Variants in ZNF304 observed in about 807,000 individuals in gnomAD.
ZNF304 encodes the protein KRAB-containing zinc finger protein.
A neutral mutation model predicts 7.8 loss-of-function variants in ZNF304; 7 were observed. The ratio of observed to expected loss-of-function variants is 0.90; its 90% CI spans 0.51 to 1.69. The LOEUF (loss-of-function observed/expected upper bound fraction) is 1.69, where lower values mean the gene tolerates loss of function less well. Ranked by LOEUF, ZNF304 falls within the 40% of genes most tolerant of loss-of-function variation. The pLI is 0.00. For synonymous variants in ZNF304, 280 were observed against 272.4 expected (o/e 1.03, Z -0.27); for missense variants, 669 against 804.8 (o/e 0.83, Z 2.04).
Position 57,353,809 on chromosome 19 carries a change from C to T in ZNF304, c.118C>T (p.Arg40Cys), listed in dbSNP as rs1267720175. 8.1e-6 allele frequency: 13 copies of T among 1,612,568 alleles called. No individual in the cohort carries two copies. The African/African-American group carries it at 1.1e-4, about 13-fold the overall frequency. Reference sequence around the variant, plus strand: ...TGAGGAGGCACAGAGATTCCTGTACCGTGATGTGATGCTGGAGAACTTTGC... The same window carrying T: ...TGAGGAGGCACAGAGATTCCTGTACTGTGATGTGATGCTGGAGAACTTTGC... ...LLEEAQRFLY[R>C]DVMLENFALV... The change falls in exon 2 of 3, where the codon CGT (arginine) becomes TGT (cysteine). Residue 40 changes from arginine (R) to cysteine (C), a missense_variant. Physicochemically the swap from Arg to Cys is radical, Grantham distance 180. Coordinates refer to ENST00000282286, the MANE Select transcript of ZNF304 (RefSeq NM_020657.4).
intron 1 of ZNF304, chr19:57,352,786 T>G (rs2088291570): frequency 6.6e-6 from 1 of 152,208 alleles, no homozygotes; most frequent in South Asian, 2.1e-4. Context: ...TGATTGGATT[T>G]TTTGATGCGA....
Position 57,351,415 on chromosome 19 carries a change from T to C in ZNF304, c.-250T>C. On this transcript the variant is annotated 5_prime_UTR_variant, in exon 1 of 3. Transcript: ENST00000282286. This position sits in a 1 kb window ranked among gnomAD's most constrained non-coding sequence, Gnocchi z 4.1. ...ACCTTCCTTCGCGCTTTTGTTACAA[T>C]CCATGACCCCTGTCGTGGGACGGGC... is the stretch of plus-strand genomic sequence containing the variant. 1 of 575,442 alleles carries C rather than the reference T, an allele frequency of 1.7e-6. No homozygotes were observed. The highest frequency in any genetic ancestry group is 2.1e-5 in the South Asian group (1 of 48,382). The allele number at this position is 575,442 out of a possible 1,614,324, so 35.6% of individuals were successfully genotyped here.
Position 57,356,898 on chromosome 19 carries a change from C to T in ZNF304, c.1029C>T (p.Ala343=), listed in dbSNP as rs369870594. Residue 343 remains alanine (A), a synonymous_variant, in exon 3 of 3, where the codon GCC becomes GCT. Transcript: ENST00000282286. ...RSYDCSECGK[A]YSRSSHLVQH... The stretch of plus-strand genomic sequence containing the variant: ...ATGACTGCAGTGAATGTGGAAAAGC[C>T]TACAGCAGAAGCTCCCACCTTGTTC... 1.2e-6 allele frequency: 2 copies of T among 1,614,016 alleles called. No homozygotes were observed. Among genetic ancestry groups the T allele is most frequent in the African/African-American group, 2.7e-5 (2 of 74,894 alleles).
rs1243776572 is a variant in ZNF304 at position 57,355,309 on chromosome 19, GGGGGCAGAAAACCTT to G, written c.161-717_161-703del. 3.9e-6 allele frequency: 3 copies of G among 765,338 alleles called. No individual in the cohort carries two copies. The South Asian group carries it at 4.0e-5, about 10-fold the overall frequency. The allele number at this position is 765,338 out of a possible 1,614,324, so 47.4% of individuals were successfully genotyped here. A position where few individuals can be genotyped will look rare whatever the true frequency, so the allele number is the denominator to read the frequency against. ...AGTCCCATGCAGTTGCGCAGTTGGA[GGGGGCAGAAAACCTT>G]GGGTGCCTGACAGGGCAGACATCAC... On this transcript the variant is annotated intron_variant, in intron 2 of 2. Coordinates refer to ENST00000282286, the MANE Select transcript of ZNF304 (RefSeq NM_020657.4).
rs75753242 is a variant in ZNF304, at chr19:57,357,811, T to G, written c.1942T>G (p.Phe648Val). Residue 648 changes from phenylalanine (F) to valine (V), a missense_variant, in exon 3 of 3, where the codon TTT becomes GTT. Coordinates refer to ENST00000282286, the MANE Select transcript of ZNF304 (RefSeq NM_020657.4). ...AGAAAGAGCTCACGAGTGCAACAGT[T>G]TTGGTGGCCCTTTAGCTGCATCTCT... ...TGERAHECNS[F>V]GGPLAASLKL... 1 of 1,610,318 alleles carries G rather than the reference T, an allele frequency of 6.2e-7. No homozygotes were observed. Among genetic ancestry groups the G allele is most frequent in the Non-Finnish European group, 8.5e-7 (1 of 1,178,732 alleles).
intron 2 of ZNF304, 83 bp downstream of exon 2, chr19:57,353,934 C>T: frequency 1.7e-5 from 20 of 1,168,070 alleles, no homozygotes; most frequent in Non-Finnish European, 1.8e-5. Context: ...AATCAATTAT[C>T]TCTCCAGTTT....
At position 57,358,015 on chromosome 19, in the gene ZNF304, C is replaced by G. The variant is rs982812876; in HGVS notation, c.*166C>G. 4.9e-6 allele frequency: 4 copies of G among 824,572 alleles called. No individual in the cohort carries two copies. In the African/African-American group the frequency reaches 6.9e-5, roughly 14 times the overall value. The allele number at this position is 824,572 out of a possible 1,614,324, so 51.1% of individuals were successfully genotyped here. On this transcript the variant is annotated 3_prime_UTR_variant, in exon 3 of 3. Coordinates refer to ENST00000282286, the MANE Select transcript of ZNF304 (RefSeq NM_020657.4). Reference sequence around the variant, plus strand: ...ATATTCATTCCACCCTGGGGAGATTCCTGATAAGCACCACATATGTGGGAG... The same window carrying G: ...ATATTCATTCCACCCTGGGGAGATTGCTGATAAGCACCACATATGTGGGAG...
At position 57,357,781 on chromosome 19, in the gene ZNF304, A is replaced by G. The variant is rs1323248248; in HGVS notation, c.1912A>G (p.Thr638Ala). 1.9e-6 allele frequency: 3 copies of G among 1,614,084 alleles called. No individual in the cohort carries two copies. The highest frequency in any genetic ancestry group is 2.5e-6 in the Non-Finnish European group (3 of 1,179,990). The change falls in exon 3 of 3, where the codon ACT (threonine) becomes GCT (alanine). Residue 638 changes from threonine (T) to alanine (A), a missense_variant. Coordinates refer to ENST00000282286, the MANE Select transcript of ZNF304 (RefSeq NM_020657.4). ...TCTTGTTCGTCACCAGAAAGCTCAC[A>G]CTGGAGAAAGAGCTCACGAGTGCAA... ...SHLVRHQKAH[T>A]GERAHECNSF...
In ZNF304 at chr19:57,355,215, T is replaced by C. The variant is rs1016221657; in HGVS notation, c.161-815T>C. 8 of 757,926 alleles carry C rather than the reference T, an allele frequency of 1.1e-5. No individual in the cohort carries two copies. The Middle Eastern group carries it at 1.1e-3, about 103-fold the overall frequency. The allele number at this position is 757,926 out of a possible 1,614,324, so 47.0% of individuals were successfully genotyped here. ...GAGTATTTTTTCTAAACATTCTATTTTCTCTGTGGAGTGGGTCTACCTGCG... is the reference window on the plus strand; with the variant it reads ...GAGTATTTTTTCTAAACATTCTATTCTCTCTGTGGAGTGGGTCTACCTGCG... On this transcript the variant is annotated intron_variant, in intron 2 of 2. Coordinates refer to ENST00000282286, the MANE Select transcript of ZNF304 (RefSeq NM_020657.4).
chr19:57,354,171 G>A (rs935730419), intron 2 of ZNF304, among the ~76,000 whole-genome samples: 2 of 151,870 alleles, frequency 1.3e-5, no homozygotes, highest in Non-Finnish European at 2.9e-5. Context: ...CACCACGCCC[G>A]GCTATTTTAC....
At chr19:57,355,954 A>T in intron 2 of ZNF304, 76 bp from the exon 3 acceptor site, 1 of 1,500,228 alleles carries the variant, frequency 6.7e-7, no homozygotes, top group Non-Finnish European at 9.0e-7. Context: ...CACTGGTGTT[A>T]GACACACATT....
At chr19:57,352,923 A>T (rs2088293355) in intron 1 of ZNF304, among the ~76,000 whole-genome samples, 1 of 152,114 alleles carries the variant, frequency 6.6e-6, no homozygotes, top group African/African-American at 2.4e-5. Flanking sequence ...TTTAGTGGTT[A>T]TATCAGGAGT....
rs1392001230 is a variant in ZNF304 at position 57,357,110 on chromosome 19, C to T, written c.1241C>T (p.Thr414Ile). The T allele has an allele frequency of 6.2e-7, 1 of 1,612,942 alleles. No individual in the cohort carries two copies. The highest frequency in any genetic ancestry group is 8.5e-7 in the Non-Finnish European group (1 of 1,179,388). ...CTTATTGAGCACTGGAGAATTCATACCGGGGCAAGGCCCTATGAATGCATA... is the reference window on the plus strand; with the variant it reads ...CTTATTGAGCACTGGAGAATTCATATCGGGGCAAGGCCCTATGAATGCATA... ...SHLIEHWRIH[T>I]GARPYECIEC... Residue 414 changes from threonine to isoleucine, a missense_variant, in exon 3 of 3, where the codon ACC becomes ATC. Transcript: ENST00000282286.
Position 57,351,496 on chromosome 19 carries a change from G to GTCCTC in ZNF304, c.-167_-163dup. 1.3e-6 allele frequency: 1 copy of GTCCTC among 769,498 alleles called. No homozygotes were observed. The highest frequency in any genetic ancestry group is 2.3e-5 in the Admixed American group (1 of 42,774). The allele number at this position is 769,498 out of a possible 1,614,324, so 47.7% of individuals were successfully genotyped here. A position where few individuals can be genotyped will look rare whatever the true frequency, so the allele number is the denominator to read the frequency against. ...GGCTCTTACCGAGGCCTCCACACAC[G>GTCCTC]TCCTCTTGTCCTTGTCTCCCCCAGA... On this transcript the variant is annotated 5_prime_UTR_variant, in exon 1 of 3. It introduces an in-frame stop codon into an upstream open reading frame of the 5' UTR. Coordinates refer to ENST00000282286, the MANE Select transcript of ZNF304 (RefSeq NM_020657.4). The surrounding 1 kb of genome is among the most constrained non-coding windows in gnomAD (Gnocchi z 4.1).
Position 57,357,878 on chromosome 19 carries a change from C to T in ZNF304, c.*29C>T. 1.3e-6 allele frequency: 2 copies of T among 1,557,302 alleles called. No individual in the cohort carries two copies. The highest frequency in any genetic ancestry group is 1.7e-6 in the Non-Finnish European group (2 of 1,156,476). On this transcript the variant is annotated 3_prime_UTR_variant, in exon 3 of 3. Coordinates refer to ENST00000282286, the MANE Select transcript of ZNF304 (RefSeq NM_020657.4). ...CAGAAAATTCACACAAGAGAAAGGCCTTATGAATGCAGAAAATATGTCATC... is the reference window on the plus strand; with the variant it reads ...CAGAAAATTCACACAAGAGAAAGGCTTTATGAATGCAGAAAATATGTCATC...
chr19:57,355,915 C>G, intron 2 of ZNF304, 115 bp from the exon 3 acceptor site: 1 of 1,224,064 alleles, frequency 8.2e-7, no homozygotes, highest in Non-Finnish European at 1.1e-6. Flanking sequence ...TCCTGGCCCT[C>G]TTGTCCTGCC....
chr19:57,357,880 T>TA lies in ZNF304; in HGVS notation c.*32dup, dbSNP rs1361659690. On this transcript the variant is annotated 3_prime_UTR_variant, in exon 3 of 3. Coordinates refer to ENST00000282286, the MANE Select transcript of ZNF304 (RefSeq NM_020657.4). ...GAAAATTCACACAAGAGAAAGGCCT[T>TA]ATGAATGCAGAAAATATGTCATCTT... 34 of 1,556,664 alleles carry TA rather than the reference T, an allele frequency of 2.2e-5. No individual in the cohort carries two copies. The highest frequency in any genetic ancestry group is 2.9e-5 in the Non-Finnish European group (34 of 1,156,154).
In ZNF304 at chr19:57,359,102, T is replaced by G. The variant is rs1231233372; in HGVS notation, c.*1253T>G. The G allele has an allele frequency of 6.6e-6, 1 of 152,252 alleles. No individual in the cohort carries two copies. The highest frequency in any genetic ancestry group is 2.4e-5 in the African/African-American group (1 of 41,468). 9.4% of individuals were successfully genotyped at this position (152,252 alleles called of 1,614,324 possible). A position where few individuals can be genotyped will look rare whatever the true frequency, so the allele number is the denominator to read the frequency against. The stretch of plus-strand genomic sequence containing the variant: ...GAGTGCATAGAAATTCTCAGGACCT[T>G]CAGACATCTGTATCTCCTGTGGCCA... On this transcript the variant is annotated 3_prime_UTR_variant, in exon 3 of 3. Coordinates refer to ENST00000282286, the MANE Select transcript of ZNF304 (RefSeq NM_020657.4).
chr19:57,353,933 T>G (rs2088305754), intron 2 of ZNF304, 82 bp downstream of exon 2: 1 of 1,170,344 alleles, frequency 8.5e-7, no homozygotes, highest in Non-Finnish European at 1.2e-6. Context: ...AAATCAATTA[T>G]CTCTCCAGTT....
Sources: allele counts gnomAD v4.1 joint callset (sites outside exome capture counted in the v4.1 genomes callset), GRCh38; gene constraint gnomAD v4.1.1; non-coding constraint Gnocchi (gnomAD v3.1); transcripts MANE v1.5; gene names NCBI Gene and HGNC (gene_info 2026-07-23, HGNC 2026-07-21).